Variants in ACTR3C observed in about 807,000 individuals in gnomAD.
ACTR3C encodes the protein actin related protein 3C.
In ACTR3C, 18 loss-of-function variants were observed where a neutral mutation model predicts 26.3. The observed-to-expected ratio is 0.68, with a 90% CI of 0.47 to 1.01. The LOEUF is 1.01. ACTR3C is among the 50% of genes least tolerant of loss of function. The pLI, the probability that ACTR3C is intolerant of heterozygous loss-of-function variation, is 0.00. For missense variants in ACTR3C, 184 were observed against 250.7 expected, an observed-to-expected ratio of 0.73 and a Z score of 1.80; for synonymous variants, 55 against 94.5, an observed-to-expected ratio of 0.58 and a Z score of 2.42.
the ACTR3C span, among the ~76,000 whole-genome samples, chr7:150,224,536 T>C: frequency 6.6e-6 from 1 of 152,206 alleles, no homozygotes; most frequent in Admixed American, 6.5e-5. Context: ...AGATAACAGA[T>C]GTAGGCACAC....
intron 1 of ACTR3C, among the ~76,000 whole-genome samples, chr7:150,299,476 AAAAAAAAAAAAAAAAAAAC>A (rs1334781287): frequency 4.1e-5 from 6 of 144,990 alleles, no homozygotes; most frequent in African/African-American, 1.3e-4. Flanking sequence ...AAAAAAAAAA[AAAAAAAAAAAAAAAAAAAC>A]AAAAAACAGG....
At chr7:149,929,425 C>CAAAAAAA in the ACTR3C span, among the ~76,000 whole-genome samples, 10 of 49,094 alleles carry the variant, frequency 2.0e-4, no homozygotes, top group Admixed American at 3.4e-4. Context: ...AAGATTCTGT[C>CAAAAAAA]AAAAAAAAAA....
the ACTR3C span, among the ~76,000 whole-genome samples, chr7:149,957,752 T>A: frequency 6.6e-6 from 1 of 151,120 alleles, no homozygotes; most frequent in African/African-American, 2.5e-5. Flanking sequence ...ACTCCTCTGA[T>A]AAATCCCCTC....
the ACTR3C span, among the ~76,000 whole-genome samples, chr7:149,995,604 G>A: frequency 3.2e-3 from 427 of 134,782 alleles, no homozygotes; most frequent in Admixed American, 6.7e-3. Context: ...ACAGGATGAG[G>A]CTGGAGTGCA....
the ACTR3C span, among the ~76,000 whole-genome samples, chr7:149,990,809 G>T: frequency 6.6e-6 from 1 of 152,206 alleles, no homozygotes; most frequent in Admixed American, 6.5e-5. Flanking sequence ...CTGTGGAGAT[G>T]GAGTGGGCAG....
the ACTR3C span, chr7:150,004,468 T>C: frequency 6.6e-6 from 1 of 152,154 alleles, no homozygotes; most frequent in Non-Finnish European, 1.5e-5. Flanking sequence ...CTGACAACCA[T>C]TGTAATAATA....
At chr7:150,210,746 G>A in the ACTR3C span, among the ~76,000 whole-genome samples, 91 of 149,802 alleles carry the variant, frequency 6.1e-4, no homozygotes, top group Non-Finnish European at 9.1e-4. Flanking sequence ...AATTGTTAGG[G>A]AGAAACAGAT....
At chr7:150,244,860 C>T (rs1832383201), downstream of ACTR3C, 1 of 152,182 alleles carries the variant, frequency 6.6e-6, no homozygotes, top group Non-Finnish European at 1.5e-5. Flanking sequence ...GCTCCAGATA[C>T]CCAAACCAGG....
At chr7:150,291,868 T>C (rs948749548) in intron 3 of ACTR3C, among the ~76,000 whole-genome samples, 3 of 150,894 alleles carry the variant, frequency 2.0e-5, no homozygotes, top group Non-Finnish European at 4.4e-5. Flanking sequence ...GGGGCTCAAG[T>C]CTAGAGCACA....
chr7:150,316,483 ATTTTTT>A (rs35767189), intron 1 of ACTR3C, among the ~76,000 whole-genome samples: 2,635 of 80,658 alleles, frequency 0.033, 54 homozygotes, highest in African/African-American at 0.099. Context: ...GAATCTGGTT[ATTTTTT>A]TTTTTTTTTT....
the ACTR3C span, among the ~76,000 whole-genome samples, chr7:149,975,155 T>C: frequency 2.6e-5 from 4 of 152,162 alleles, no homozygotes; most frequent in Admixed American, 2.6e-4. Context: ...ACAAAACAAG[T>C]CTTCATAATT....
the ACTR3C span, among the ~76,000 whole-genome samples, chr7:150,175,411 T>C: frequency 6.2e-5 from 9 of 144,068 alleles, no homozygotes; most frequent in African/African-American, 2.6e-4. Context: ...TCCCTCTCAT[T>C]CGTATTCACA....
the ACTR3C span, among the ~76,000 whole-genome samples, chr7:150,085,393 G>A: frequency 6.6e-6 from 1 of 152,142 alleles, no homozygotes; most frequent in Admixed American, 6.5e-5. Context: ...ATGGAAAAAG[G>A]AGTGGATAGT....
the ACTR3C span, among the ~76,000 whole-genome samples, chr7:150,108,311 G>A: frequency 1.3e-5 from 2 of 150,394 alleles, no homozygotes; most frequent in Non-Finnish European, 3.0e-5. Flanking sequence ...TGGATAACTA[G>A]AAGAACAGGG....
chr7:150,043,108 G>A, the ACTR3C span, among the ~76,000 whole-genome samples: 1 of 151,206 alleles, frequency 6.6e-6, no homozygotes, highest in Non-Finnish European at 1.5e-5. Flanking sequence ...CCGGTAGATT[G>A]CAAATAACCT....
the ACTR3C span, among the ~76,000 whole-genome samples, chr7:150,198,754 G>GT: frequency 1.2e-5 from 1 of 85,796 alleles, no homozygotes; most frequent in African/African-American, 8.0e-5. Flanking sequence ...GAGGGAGGTG[G>GT]GGGGGGGTCA....
chr7:150,160,048 G>C, the ACTR3C span, among the ~76,000 whole-genome samples: 1 of 152,108 alleles, frequency 6.6e-6, no homozygotes, highest in African/African-American at 2.4e-5. Flanking sequence ...GCCCGCCTCA[G>C]CCTCCCAAAG....
the ACTR3C span, among the ~76,000 whole-genome samples, chr7:150,051,427 G>A: frequency 2.7e-5 from 4 of 149,688 alleles, no homozygotes; most frequent in African/African-American, 7.3e-5. Context: ...CCCCGAAGAG[G>A]AGCAAAAGTA....
At chr7:150,239,225 T>C (rs1354000596), downstream of ACTR3C, among the ~76,000 whole-genome samples, 2 of 150,932 alleles carry the variant, frequency 1.3e-5, no homozygotes, top group Non-Finnish European at 2.9e-5. Flanking sequence ...AAAACTCAAA[T>C]GTATTCAAAC....
Sources: allele counts gnomAD v4.1 joint callset (sites outside exome capture counted in the v4.1 genomes callset), GRCh38; gene constraint gnomAD v4.1.1; transcripts MANE v1.5; gene names NCBI Gene and HGNC (gene_info 2026-07-23, HGNC 2026-07-21).